FBXL17: variants seen among roughly 807,000 people sequenced by gnomAD.
The protein encoded by FBXL17 is F-box and leucine rich repeat protein 17.
FBXL17 carries 22 observed loss-of-function variants against 66.2 expected under a neutral mutation model. The observed-to-expected ratio is 0.33, with a 90% CI of 0.24 to 0.47. FBXL17 has a LOEUF of 0.47. Among genes scored for constraint, FBXL17 ranks in the 20% least tolerant of loss-of-function variants. The pLI is 1.00. For synonymous variants in FBXL17, 474 were observed against 400.5 expected (o/e 1.18, Z -2.19); for missense variants, 878 against 948.2 (o/e 0.93, Z 0.97).
At chr5:108,225,362 A>C (rs1338846197) in intron 4 of FBXL17, among the ~76,000 whole-genome samples, 1 of 152,150 alleles carries the variant, frequency 6.6e-6, no homozygotes, top group Non-Finnish European at 1.5e-5. Flanking sequence ...ACTACCTCAG[A>C]ATGTGATCTT....
At chr5:108,084,269 C>T (rs1444622620) in intron 6 of FBXL17, among the ~76,000 whole-genome samples, 3 of 152,188 alleles carry the variant, frequency 2.0e-5, no homozygotes, top group African/African-American at 7.2e-5. Context: ...AGCAATGCTG[C>T]TTGTGTACGG....
At chr5:108,218,458 G>A (rs1259090373) in intron 5 of FBXL17, among the ~76,000 whole-genome samples, 2 of 152,060 alleles carry the variant, frequency 1.3e-5, no homozygotes, top group African/African-American at 4.8e-5. Context: ...TACTATTGCT[G>A]GCTCATATGG....
At chr5:107,948,359 C>A (rs1232757575) in intron 7 of FBXL17, among the ~76,000 whole-genome samples, 1 of 152,142 alleles carries the variant, frequency 6.6e-6, no homozygotes, top group East Asian at 1.9e-4. Context: ...ACTGAAACTG[C>A]ACACCTGGGA....
At chr5:108,083,365 C>T (rs918197344) in intron 6 of FBXL17, among the ~76,000 whole-genome samples, 1 of 152,132 alleles carries the variant, frequency 6.6e-6, no homozygotes, top group Non-Finnish European at 1.5e-5. Context: ...ACACTGCTCT[C>T]TAGGGTTTTC....
At chr5:108,195,480 A>G (rs1057132409) in intron 5 of FBXL17, among the ~76,000 whole-genome samples, 9 of 152,204 alleles carry the variant, frequency 5.9e-5, no homozygotes, top group African/African-American at 1.4e-4. Context: ...AGCAGGAGAC[A>G]TGGTCAAAGA....
At chr5:107,974,767 G>A (rs943691480) in intron 7 of FBXL17, among the ~76,000 whole-genome samples, 1 of 151,952 alleles carries the variant, frequency 6.6e-6, no homozygotes, top group Non-Finnish European at 1.5e-5. Flanking sequence ...ACAGAAATAG[G>A]TAAAGGGAGA....
intron 6 of FBXL17, among the ~76,000 whole-genome samples, chr5:108,152,537 C>T (rs1186905770): frequency 2.0e-5 from 3 of 152,106 alleles, no homozygotes; most frequent in African/African-American, 7.2e-5. Context: ...CAGCAGGATA[C>T]TGGATTTAAG....
At chr5:108,067,246 G>A (rs2112855520) in intron 6 of FBXL17, among the ~76,000 whole-genome samples, 1 of 152,206 alleles carries the variant, frequency 6.6e-6, no homozygotes, top group Non-Finnish European at 1.5e-5. Flanking sequence ...TCTGAGACAT[G>A]TAAAACAGAC....
intron 7 of FBXL17, among the ~76,000 whole-genome samples, chr5:107,912,287 G>A (rs1749974286): frequency 6.6e-6 from 1 of 152,070 alleles, no homozygotes; most frequent in Admixed American, 6.6e-5. Context: ...GATTGTTAAG[G>A]CAACTCCTCT....
intron 6 of FBXL17, among the ~76,000 whole-genome samples, chr5:108,040,993 A>G (rs1747024036): frequency 6.6e-6 from 1 of 152,184 alleles, no homozygotes; most frequent in African/African-American, 2.4e-5. Context: ...TCTGTCTTGT[A>G]ATGTATGAAT....
At chr5:108,314,274 A>C (rs1254386777) in intron 4 of FBXL17, among the ~76,000 whole-genome samples, 1 of 151,736 alleles carries the variant, frequency 6.6e-6, no homozygotes, top group Non-Finnish European at 1.5e-5. Flanking sequence ...TAGCAACTGA[A>C]ATACGCTCTT....
At chr5:108,278,192 G>T (rs1223376943) in intron 4 of FBXL17, among the ~76,000 whole-genome samples, 1 of 152,144 alleles carries the variant, frequency 6.6e-6, no homozygotes, top group African/African-American at 2.4e-5. Context: ...ACCAGAGAAC[G>T]CCCTGACCCT....
In FBXL17 at chr5:108,274,888, C is replaced by G. The variant is rs1201051411; in HGVS notation, c.1507-50660G>C. 2.0e-5 allele frequency among the ~76,000 whole-genome samples: 3 copies of G among 152,084 alleles called. No homozygotes were observed. In the South Asian group the frequency reaches 6.2e-4, roughly 32 times the overall value. On this transcript the variant is annotated intron_variant, in intron 4 of 8. Transcript: ENST00000542267. ...TTACATTTATTACAATATTTAAAAA[C>G]AGAACCCCAAGTGTAAGTACAATTA...
intron 4 of FBXL17, among the ~76,000 whole-genome samples, chr5:108,233,205 T>A (rs551706323): frequency 1.3e-5 from 2 of 152,118 alleles, no homozygotes; most frequent in Non-Finnish European, 2.9e-5. Flanking sequence ...CTGTGCCTTA[T>A]CTTTAATTTT....
At chr5:108,014,334 C>T (rs533149025) in intron 7 of FBXL17, among the ~76,000 whole-genome samples, 2 of 152,192 alleles carry the variant, frequency 1.3e-5, no homozygotes, top group African/African-American at 2.4e-5. Flanking sequence ...GAACAACATA[C>T]ATGTACTTCA....
intron 6 of FBXL17, among the ~76,000 whole-genome samples, chr5:108,141,793 C>T (rs867981850): frequency 9.2e-5 from 14 of 152,162 alleles, no homozygotes; most frequent in African/African-American, 3.4e-4. Context: ...TTGTTCTGTG[C>T]CCCAGGCCTG....
intron 1 of FBXL17, among the ~76,000 whole-genome samples, chr5:108,377,233 C>A (rs1749503448): frequency 1.3e-5 from 2 of 152,320 alleles, no homozygotes; most frequent in Middle Eastern, 6.8e-3. Context: ...CAGGTCTCCC[C>A]TACACATGTG....
chr5:108,256,515 T>A (rs1255530040), intron 4 of FBXL17, among the ~76,000 whole-genome samples: 3 of 152,150 alleles, frequency 2.0e-5, no homozygotes, highest in Non-Finnish European at 4.4e-5. Flanking sequence ...AGTTCTTTCA[T>A]GATCATTTTG....
At chr5:107,899,926 G>A (rs976587225) in intron 7 of FBXL17, among the ~76,000 whole-genome samples, 1 of 152,016 alleles carries the variant, frequency 6.6e-6, no homozygotes, top group Non-Finnish European at 1.5e-5. Context: ...TAAGAAATCT[G>A]TACTTGTACC....
Sources: gnomAD v4.1 joint callset for allele counts (sites outside exome capture counted in the v4.1 genomes callset) on GRCh38, gnomAD v4.1.1 for gene constraint, MANE v1.5 for transcripts, NCBI Gene and HGNC (gene_info 2026-07-23, HGNC 2026-07-21) for gene names.